CHST9: variants seen among roughly 807,000 people sequenced by gnomAD.
CHST9 encodes carbohydrate sulfotransferase 9.
A neutral mutation model predicts 44.4 loss-of-function variants in CHST9; 41 were observed. That is an observed-to-expected ratio of 0.92 (90% confidence interval 0.72 to 1.20). CHST9 has a LOEUF of 1.20. CHST9 is among the 50% of genes most tolerant of loss of function. The pLI, the probability that CHST9 is intolerant of heterozygous loss-of-function variation, is 0.00. For synonymous variants in CHST9, 171 were observed against 178.4 expected (o/e 0.96, Z 0.33); for missense variants, 504 against 516.5 (o/e 0.98, Z 0.23).
intron 1 of CHST9, among the ~76,000 whole-genome samples, chr18:27,145,167 C>A (rs1388917146): frequency 6.6e-6 from 1 of 151,854 alleles, no homozygotes; most frequent in Non-Finnish European, 1.5e-5. Flanking sequence ...ATGAATACTT[C>A]TTTTCCGTTT....
intron 2 of CHST9, among the ~76,000 whole-genome samples, chr18:27,064,100 A>G (rs904642811): frequency 1.3e-5 from 2 of 152,138 alleles, no homozygotes; most frequent in Non-Finnish European, 2.9e-5. Flanking sequence ...TATTATGGGT[A>G]AAGAAAAATC....
intron 1 of CHST9, among the ~76,000 whole-genome samples, chr18:27,151,599 C>G (rs1406982381): frequency 6.6e-6 from 1 of 151,982 alleles, no homozygotes; most frequent in Non-Finnish European, 1.5e-5. Flanking sequence ...CTGGGTGGAC[C>G]CCATGTAATC....
At chr18:27,058,036 G>T (rs1425391642) in intron 2 of CHST9, among the ~76,000 whole-genome samples, 2 of 152,192 alleles carry the variant, frequency 1.3e-5, no homozygotes, top group Non-Finnish European at 2.9e-5. Context: ...TCATTCTGAG[G>T]CAGTCATTTC....
intron 2 of CHST9, among the ~76,000 whole-genome samples, chr18:27,065,024 G>A (rs1000075101): frequency 1.3e-4 from 20 of 152,164 alleles, no homozygotes; most frequent in East Asian, 3.8e-4. Flanking sequence ...AAGAACAGCC[G>A]TCGCCTGAAG....
intron 4 of CHST9, among the ~76,000 whole-genome samples, chr18:26,949,383 C>CTT (rs35343773): frequency 1.3e-5 from 2 of 149,420 alleles, no homozygotes; most frequent in East Asian, 2.0e-4. Flanking sequence ...CTCATCTCTA[C>CTT]TTTTTTTTTT....
intron 3 of CHST9, among the ~76,000 whole-genome samples, chr18:27,036,723 A>T (rs929404727): frequency 1.3e-4 from 20 of 152,190 alleles, no homozygotes; most frequent in Admixed American, 5.9e-4. Context: ...TAGTGTGCTT[A>T]TACCTGCAAT....
chr18:26,935,774 C>T (rs1298135864), intron 5 of CHST9: 2 of 152,122 alleles, frequency 1.3e-5, no homozygotes, highest in Non-Finnish European at 2.9e-5. Flanking sequence ...AGAATTTTTT[C>T]AACATTAAGG....
At chr18:27,153,870 A>G (rs912801587) in intron 1 of CHST9, among the ~76,000 whole-genome samples, 4 of 152,092 alleles carry the variant, frequency 2.6e-5, no homozygotes, top group Non-Finnish European at 5.9e-5. Flanking sequence ...TTGGATGGTT[A>G]TGGGAAGTAA....
At chr18:27,049,126 T>C (rs1003311921) in intron 2 of CHST9, among the ~76,000 whole-genome samples, 1 of 151,982 alleles carries the variant, frequency 6.6e-6, no homozygotes, top group Non-Finnish European at 1.5e-5. Context: ...CAGCAGTGCA[T>C]AGGAGGAGGA....
At chr18:27,004,156 G>T (rs1444731818) in intron 4 of CHST9, among the ~76,000 whole-genome samples, 2 of 151,948 alleles carry the variant, frequency 1.3e-5, no homozygotes, top group African/African-American at 4.8e-5. Flanking sequence ...AGGCATAATG[G>T]GAGGAAGAAC....
chr18:26,972,137 A>G (rs1470749237), intron 4 of CHST9, among the ~76,000 whole-genome samples: 2 of 151,952 alleles, frequency 1.3e-5, no homozygotes, highest in African/African-American at 4.8e-5. Flanking sequence ...CGGGCGGATC[A>G]CTTGAGGTCA....
At chr18:27,067,928 T>C (rs1453190202) in intron 2 of CHST9, among the ~76,000 whole-genome samples, 2 of 152,142 alleles carry the variant, frequency 1.3e-5, no homozygotes, top group African/African-American at 4.8e-5. Flanking sequence ...TCATATTACT[T>C]TGGGAGCTGC....
chr18:27,162,884 C>T (rs547264684), intron 1 of CHST9, among the ~76,000 whole-genome samples: 111 of 152,252 alleles, frequency 7.3e-4, no homozygotes, highest in African/African-American at 1.4e-3. Flanking sequence ...GGAGGAGAGG[C>T]GCTCTGCTTT....
chr18:27,059,854 GT>G (rs1249025587), intron 2 of CHST9, among the ~76,000 whole-genome samples: 34 of 152,286 alleles, frequency 2.2e-4, no homozygotes, highest in African/African-American at 7.9e-4. Context: ...CACGTCAAAG[GT>G]TTGGGCCTCA....
intron 4 of CHST9, among the ~76,000 whole-genome samples, chr18:26,950,591 G>T (rs1219740564): frequency 1.3e-5 from 2 of 152,318 alleles, no homozygotes; most frequent in East Asian, 1.9e-4. Flanking sequence ...TGGAGCTAGA[G>T]GCCATTATCC....
intron 4 of CHST9, among the ~76,000 whole-genome samples, chr18:26,997,576 T>C (rs185434348): frequency 8.0e-4 from 122 of 152,318 alleles, no homozygotes; most frequent in South Asian, 4.8e-3. Flanking sequence ...AATAATGCCA[T>C]GGGAAAGAGT....
intron 4 of CHST9, among the ~76,000 whole-genome samples, chr18:26,955,367 C>A (rs2056308367): frequency 1.3e-5 from 2 of 152,082 alleles, no homozygotes; most frequent in Non-Finnish European, 2.9e-5. Flanking sequence ...TGCAATTTTC[C>A]TGATGATTAA....
intron 1 of CHST9, among the ~76,000 whole-genome samples, chr18:27,180,835 C>T (rs566869206): frequency 2.0e-5 from 3 of 152,118 alleles, no homozygotes; most frequent in Non-Finnish European, 4.4e-5. Flanking sequence ...TAAGAAGAAA[C>T]GGATTCCTTT....
intron 1 of CHST9, chr18:27,147,861 C>CTTTTTT (rs199868717): frequency 3.5e-4 from 49 of 140,114 alleles, no homozygotes; most frequent in South Asian, 6.9e-4. Context: ...TATACTATTT[C>CTTTTTT]TTTTTTTTTT....
Sources: gnomAD v4.1 joint callset for allele counts (sites outside exome capture counted in the v4.1 genomes callset) on GRCh38, gnomAD v4.1.1 for gene constraint, MANE v1.5 for transcripts, NCBI Gene and HGNC (gene_info 2026-07-23, HGNC 2026-07-21) for gene names.